The following A1CF variants were observed in gnomAD, a reference collection of about 807,000 sequenced individuals.
The protein encoded by A1CF is APOBEC-1 stimulating protein.
Under a neutral mutation model 68.9 loss-of-function variants are expected in A1CF, and 48 were observed. The ratio of observed to expected loss-of-function variants is 0.70; its 90% CI spans 0.55 to 0.89. The LOEUF is 0.89. A1CF is among the 40% of genes least tolerant of loss of function. The pLI is 0.00. For missense variants in A1CF, 653 were observed against 718.9 expected, an observed-to-expected ratio of 0.91 and a Z score of 1.05; for synonymous variants, 272 against 260.4, an observed-to-expected ratio of 1.04 and a Z score of -0.43.
chr10:50,816,540 C>T (rs1345957668), intron 8 of A1CF: 3 of 409,168 alleles, frequency 7.3e-6, no homozygotes, highest in African/African-American at 6.0e-5. Context: ...TATAAATTTA[C>T]AATCTGGTTA....
chr10:50,838,380 T>A (rs1282652305), intron 5 of A1CF, among the ~76,000 whole-genome samples: 1 of 152,334 alleles, frequency 6.6e-6, no homozygotes, highest in East Asian at 1.9e-4. Flanking sequence ...AGTTTTTTTT[T>A]AAACTTTACT....
rs1837799710 is a variant in A1CF, at chr10:50,806,033, T to A, written c.*696A>T. ...AATAGGTGTGGACTAATGAGCTGAA[T>A]AAACAATGGGGCCTGGATTTGTTTT... On this transcript the variant is annotated 3_prime_UTR_variant, in exon 13 of 13. Transcript: ENST00000373997. The A allele has an allele frequency of 6.6e-6, 1 of 152,198 alleles. No individual in the cohort carries two copies. The highest frequency in any genetic ancestry group is 2.4e-5 in the African/African-American group (1 of 41,442). The allele number at this position is 152,198 out of a possible 1,614,324, so 9.4% of individuals were successfully genotyped here.
rs759270416 is a variant in A1CF, at chr10:50,859,872, C to G, written c.69G>C (p.Leu23=). The change falls in exon 3 of 13, where the codon CTG becomes CTC. Residue 23 remains leucine, a synonymous_variant. Coordinates refer to ENST00000373997, the MANE Select transcript of A1CF (RefSeq NM_014576.4). ...CCAAGCTATATCCTGTGCGCTGGACCAGTGCGCGGAGGGCTGCTTCCTTCT... is the reference window on the plus strand; with the variant it reads ...CCAAGCTATATCCTGTGCGCTGGACGAGTGCGCGGAGGGCTGCTTCCTTCT... The part of the protein sequence containing the change: ...GTQKEAALRA[L]VQRTGYSLVQ... 1 of 1,614,028 alleles carries G rather than the reference C, an allele frequency of 6.2e-7. No individual in the cohort carries two copies. Among genetic ancestry groups the G allele is most frequent in the Non-Finnish European group, 8.5e-7 (1 of 1,179,948 alleles).
At chr10:50,843,013 T>C (rs1193801369) in intron 4 of A1CF, among the ~76,000 whole-genome samples, 1 of 152,238 alleles carries the variant, frequency 6.6e-6, no homozygotes, top group African/African-American at 2.4e-5. Context: ...TTACTATCAC[T>C]GGCTGCTTTA....
At chr10:50,882,028 T>G (rs4267017) in intron 1 of A1CF, among the ~76,000 whole-genome samples, 145,098 of 152,288 alleles carry the variant, frequency 0.95, 69,498 homozygotes, top group East Asian at 1. Flanking sequence ...GCATATCTTA[T>G]ACAGGACGAT....
chr10:50,857,927 G>T (rs996312030), intron 3 of A1CF, among the ~76,000 whole-genome samples: 1 of 152,154 alleles, frequency 6.6e-6, no homozygotes. Flanking sequence ...TCTGAAGATC[G>T]TAAAAAGAAT....
intron 1 of A1CF, among the ~76,000 whole-genome samples, chr10:50,866,445 A>C (rs182477663): frequency 6.6e-5 from 10 of 152,278 alleles, no homozygotes; most frequent in African/African-American, 2.4e-4. Context: ...GCAGCTGCTC[A>C]ATGGAAATTG....
At position 50,883,533 on chromosome 10, in the gene A1CF, T is replaced by C. The variant is rs545589550; in HGVS notation, c.-94+2048A>G. 2.0e-5 allele frequency among the ~76,000 whole-genome samples: 3 copies of C among 152,308 alleles called. No homozygotes were observed. In the East Asian group the frequency reaches 5.8e-4, roughly 29 times the overall value. The stretch of plus-strand genomic sequence containing the variant: ...GGTGGAAGACTAGACTCTAAAGTCC[T>C]TTAGATTTTTCAACTGTGATTATTT... On this transcript the variant is annotated intron_variant, in intron 1 of 12. Transcript: ENST00000373997.
intron 3 of A1CF, chr10:50,850,734 T>C (rs751222542): frequency 6.2e-6 from 10 of 1,614,070 alleles, no homozygotes; most frequent in Non-Finnish European, 8.5e-6. Context: ...CAGGAATTGC[T>C]GTGCTCATGC....
intron 10 of A1CF, 38 bp downstream of exon 10, chr10:50,813,819 C>T: frequency 6.3e-7 from 1 of 1,597,242 alleles, no homozygotes. Context: ...CTCATTGGCA[C>T]AACTTAAAGA....
chr10:50,855,248 A>G (rs1479728263), intron 3 of A1CF, among the ~76,000 whole-genome samples: 4 of 151,880 alleles, frequency 2.6e-5, no homozygotes, highest in Non-Finnish European at 5.9e-5. Context: ...GTCTTTAGCT[A>G]TCAAAGAAGT....
chr10:50,828,267 A>T lies in A1CF; in HGVS notation c.633T>A (p.Ile211=). ...PGRIQLWGHG[I]AVDWAEPEVE... is the part of the protein sequence containing the mutation. The stretch of plus-strand genomic sequence containing the variant: ...CTTCTGGCTCTGCCCAGTCTACTGC[A>T]ATACCATGTCCCCATAACTGAATTC... The change falls in exon 7 of 13, where the codon ATT becomes ATA. Residue 211 remains isoleucine (I), a synonymous_variant. Transcript: ENST00000373997. 1.9e-6 allele frequency: 3 copies of T among 1,591,842 alleles called. No homozygotes were observed. The highest frequency in any genetic ancestry group is 2.6e-6 in the Non-Finnish European group (3 of 1,164,914).
In A1CF at chr10:50,804,312, A is replaced by G. The variant is rs912096990; in HGVS notation, c.*2417T>C. On this transcript the variant is annotated 3_prime_UTR_variant, in exon 13 of 13. Transcript: ENST00000373997. ...AACAATTATGACTTTATCCAGAATA[A>G]TGATTTTTTCTCATAAAAAGATTCA... 7 of 143,080 alleles carry G rather than the reference A, an allele frequency of 4.9e-5. No individual in the cohort carries two copies. The highest frequency in any genetic ancestry group is 4.8e-4 in the Admixed American group (7 of 14,472). The allele number at this position is 143,080 out of a possible 1,614,324, so 8.9% of individuals were successfully genotyped here.
At chr10:50,838,523 T>C (rs1338088875) in intron 5 of A1CF, among the ~76,000 whole-genome samples, 4 of 152,182 alleles carry the variant, frequency 2.6e-5, no homozygotes, top group Non-Finnish European at 5.9e-5. Flanking sequence ...TATTTTATTT[T>C]TAAATGGTTG....
At chr10:50,825,156 C>T (rs977286652) in intron 7 of A1CF, among the ~76,000 whole-genome samples, 2 of 152,098 alleles carry the variant, frequency 1.3e-5, no homozygotes, top group African/African-American at 2.4e-5. Context: ...GAAGTAGCAC[C>T]CAGAGTTGGA....
Position 50,801,741 on chromosome 10 carries a change from G to A in A1CF, c.*4988C>T, listed in dbSNP as rs531434034. The A allele has an allele frequency of 2.6e-5, 4 of 152,278 alleles. No individual in the cohort carries two copies. In the East Asian group the frequency reaches 7.7e-4, roughly 29 times the overall value. 9.4% of individuals were successfully genotyped at this position (152,278 alleles called of 1,614,324 possible). ...TCAAAATAGGAGAAAAGTCTGTAAG[G>A]GGGAGGTAGGTACAGAAGAATTCCA... On this transcript the variant is annotated 3_prime_UTR_variant, in exon 13 of 13. Coordinates refer to ENST00000373997, the MANE Select transcript of A1CF (RefSeq NM_014576.4).
chr10:50,817,213 A>C (rs1838413945), intron 8 of A1CF, among the ~76,000 whole-genome samples: 1 of 152,206 alleles, frequency 6.6e-6, no homozygotes. Flanking sequence ...AAAGGAACAA[A>C]GTATTGTCTG....
intron 1 of A1CF, among the ~76,000 whole-genome samples, chr10:50,874,223 T>C (rs527709713): frequency 1.3e-5 from 2 of 152,216 alleles, no homozygotes; most frequent in African/African-American, 2.4e-5. Context: ...TCCTGGCATC[T>C]AGAAATCTTT....
intron 5 of A1CF, among the ~76,000 whole-genome samples, 161 bp from the exon 6 acceptor site, chr10:50,836,473 G>C (rs1355471849): frequency 6.6e-6 from 1 of 152,124 alleles, no homozygotes; most frequent in East Asian, 1.9e-4. Flanking sequence ...AAGATTATTA[G>C]ATGTGTCAAC....
Sources: allele counts gnomAD v4.1 joint callset (sites outside exome capture counted in the v4.1 genomes callset), GRCh38; gene constraint gnomAD v4.1.1; transcripts MANE v1.5; gene names NCBI Gene and HGNC (gene_info 2026-07-23, HGNC 2026-07-21).